The following TPX2 variants were observed in gnomAD, a reference collection of about 807,000 sequenced individuals.
TPX2 encodes the protein TPX2 microtubule nucleation factor, also known as targeting protein for Xklp2.
In TPX2, 21 loss-of-function variants were observed where a neutral mutation model predicts 93.6. The ratio of observed to expected loss-of-function variants is 0.22; its 90% CI spans 0.16 to 0.32. The LOEUF (loss-of-function observed/expected upper bound fraction) is 0.32, where lower values mean the gene tolerates loss of function less well. Among genes scored for constraint, TPX2 ranks in the 10% least tolerant of loss-of-function variants. The probability of loss-of-function intolerance (pLI) is 1.00; values close to 1 mark genes in which losing one functional copy is unlikely to be tolerated. For missense variants in TPX2, 776 were observed against 871.1 expected (o/e 0.89, Z 1.37); for synonymous variants, 281 against 298.3 (o/e 0.94, Z 0.60).
At chr20:31,777,765 T>A in intron 9 of TPX2, 127 bp downstream of exon 9, 1 of 1,015,144 alleles carries the variant, frequency 9.9e-7, no homozygotes, top group Non-Finnish European at 1.4e-6. Context: ...TAAAGTTGTG[T>A]AAAATATAAC....
At chr20:31,750,179 C>T (rs1177279417) in intron 2 of TPX2, among the ~76,000 whole-genome samples, 2 of 148,654 alleles carry the variant, frequency 1.3e-5, no homozygotes, top group Non-Finnish European at 3.0e-5. Flanking sequence ...TTTTTTGAGA[C>T]GGAGTTTCGC....
chr20:31,747,320 A>G (rs1292888692), intron 2 of TPX2, among the ~76,000 whole-genome samples: 3 of 152,212 alleles, frequency 2.0e-5, no homozygotes, highest in Middle Eastern at 6.8e-3. Context: ...GGGTTTCACC[A>G]TGTTGGCCTG....
chr20:31,798,277 C>A, intron 16 of TPX2, 88 bp from the exon 17 acceptor site: 1 of 1,489,498 alleles, frequency 6.7e-7, no homozygotes, highest in Non-Finnish European at 9.3e-7. Flanking sequence ...TGTTAGTGTG[C>A]ATGTCTGTGC....
Position 31,792,846 on chromosome 20 carries a change from T to G in TPX2, c.1509+16T>G. On this transcript the variant is annotated intron_variant, in intron 13 of 17. Transcript: ENST00000300403. The stretch of plus-strand genomic sequence containing the variant: ...AGAAGATGAGGTGATTCCCTGGGAG[T>G]AGGGGGGTTCTTTTTCCTTCTATAT... The G allele has an allele frequency of 6.2e-7, 1 of 1,609,592 alleles. No homozygotes were observed. The highest frequency in any genetic ancestry group is 8.5e-7 in the Non-Finnish European group (1 of 1,176,124).
chr20:31,770,600 T>C, intron 6 of TPX2, 129 bp downstream of exon 6: 1 of 896,918 alleles, frequency 1.1e-6, no homozygotes, highest in Non-Finnish European at 1.6e-6. Flanking sequence ...ATCTGTAATA[T>C]GTTTGGTGTA....
At chr20:31,761,103 C>T (rs1600365493) in intron 4 of TPX2, among the ~76,000 whole-genome samples, 1 of 151,972 alleles carries the variant, frequency 6.6e-6, no homozygotes, top group South Asian at 2.1e-4. Context: ...CAGTTTAGAA[C>T]ATTTGAAAAG....
intron 2 of TPX2, among the ~76,000 whole-genome samples, chr20:31,749,524 G>A (rs939441334): frequency 6.6e-6 from 1 of 152,108 alleles, no homozygotes; most frequent in African/African-American, 2.4e-5. Flanking sequence ...GGCCGGGCAC[G>A]GTGGCTTACG....
At chr20:31,797,976 C>T (rs1448513622) in intron 16 of TPX2, among the ~76,000 whole-genome samples, 1 of 152,134 alleles carries the variant, frequency 6.6e-6, no homozygotes, top group Non-Finnish European at 1.5e-5. Context: ...ACAGGAGGAT[C>T]ACTTGAGCCC....
chr20:31,778,646 A>AT (rs2062016459), intron 9 of TPX2, among the ~76,000 whole-genome samples, 167 bp from the exon 10 acceptor site: 2 of 152,172 alleles, frequency 1.3e-5, no homozygotes, highest in South Asian at 4.1e-4. Context: ...TTTTTTAATG[A>AT]GAACAGATTA....
At position 31,766,592 on chromosome 20, in the gene TPX2, A is replaced by G; in HGVS notation, c.266A>G (p.Asn89Ser). The change falls in exon 5 of 18, where the codon AAT becomes AGT. Residue 89 changes from asparagine (N) to serine (S), a missense_variant. By Grantham distance (46) the Asn-to-Ser change is conservative. Coordinates refer to ENST00000300403, the MANE Select transcript of TPX2 (RefSeq NM_012112.5). ...TACTACAAAGAGGCAGAAAAAGAAA[A>G]TCTTGTGGAACAATCCATTCCGTCA... ...NTYYKEAEKE[N>S]LVEQSIPSNA... The G allele has an allele frequency of 6.2e-7, 1 of 1,613,606 alleles. No homozygotes were observed.
intron 15 of TPX2, 54 bp downstream of exon 15, chr20:31,794,602 C>CA: frequency 6.3e-7 from 1 of 1,589,148 alleles, no homozygotes; most frequent in Non-Finnish European, 8.6e-7. Flanking sequence ...GTTGATTGTA[C>CA]AGGCAGACCC....
chr20:31,739,844 A>C (rs1315548080), intron 1 of TPX2, among the ~76,000 whole-genome samples: 1 of 152,242 alleles, frequency 6.6e-6, no homozygotes, highest in Non-Finnish European at 1.5e-5. Context: ...CCATGCCCTC[A>C]GGAAGTGTGG....
chr20:31,766,456 T>TGG, intron 4 of TPX2, 100 bp from the exon 5 acceptor site: 1 of 252,918 alleles, frequency 4.0e-6, no homozygotes. Context: ...TTAGACAGGG[T>TGG]GTGTGTGTGT....
chr20:31,743,508 G>T (rs1406112300), intron 2 of TPX2, among the ~76,000 whole-genome samples: 1 of 151,938 alleles, frequency 6.6e-6, no homozygotes, highest in Non-Finnish European at 1.5e-5. Context: ...CAACATAGTG[G>T]CACCGTGTCT....
chr20:31,781,609 G>A (rs2062034338), intron 10 of TPX2, among the ~76,000 whole-genome samples: 1 of 151,268 alleles, frequency 6.6e-6, no homozygotes, highest in African/African-American at 2.4e-5. Flanking sequence ...AAAATTTTTT[G>A]TGTTAATAAC....
At chr20:31,795,529 C>T (rs529684002) in intron 15 of TPX2, among the ~76,000 whole-genome samples, 1 of 152,384 alleles carries the variant, frequency 6.6e-6, no homozygotes, top group East Asian at 1.9e-4. Flanking sequence ...TTTGCTGACC[C>T]CTGCTCTAAG....
chr20:31,746,921 T>C lies in TPX2; in HGVS notation c.-71+4274T>C, dbSNP rs374262403. 2.4e-3 allele frequency among the ~76,000 whole-genome samples: 372 copies of C among 152,328 alleles called. 2 individuals are homozygous for C. The highest frequency in any genetic ancestry group is 8.4e-3 in the African/African-American group (351 of 41,566). On this transcript the variant is annotated intron_variant, in intron 2 of 17. Transcript: ENST00000300403. Reference sequence around the variant, plus strand: ...GAAAAAGTCAACGTTCATTCTTAGCTTGTAGAACTCCGCAGGTCTGTCTGT... The same window carrying C: ...GAAAAAGTCAACGTTCATTCTTAGCCTGTAGAACTCCGCAGGTCTGTCTGT...
At chr20:31,791,102 C>T (rs1477268947) in intron 12 of TPX2, among the ~76,000 whole-genome samples, 3 of 151,964 alleles carry the variant, frequency 2.0e-5, no homozygotes, top group Non-Finnish European at 4.4e-5. Flanking sequence ...GTTGTGGTTG[C>T]AACGTGATAT....
intron 2 of TPX2, among the ~76,000 whole-genome samples, chr20:31,750,264 TCTC>T (rs2061810729): frequency 1.3e-5 from 2 of 152,022 alleles, no homozygotes; most frequent in Non-Finnish European, 2.9e-5. Context: ...TTCAAGCAAT[TCTC>T]CTGCCTCAGT....
Sources: gnomAD v4.1 joint callset for allele counts (sites outside exome capture counted in the v4.1 genomes callset) on GRCh38, gnomAD v4.1.1 for gene constraint, MANE v1.5 for transcripts, NCBI Gene and HGNC (gene_info 2026-07-23, HGNC 2026-07-21) for gene names.